The following CCSAP variants were observed in gnomAD, a reference collection of about 807,000 sequenced individuals.
The protein encoded by CCSAP is centriole, cilia and spindle associated protein.
A neutral mutation model predicts 25.9 loss-of-function variants in CCSAP; 17 were observed. That is an observed-to-expected ratio of 0.66 (90% CI 0.45 to 0.99). The LOEUF is 0.99. CCSAP is among the 50% of genes least tolerant of loss of function. The pLI, the probability that CCSAP is intolerant of heterozygous loss-of-function variation, is 0.00. For missense variants in CCSAP, 339 were observed against 367.8 expected, an observed-to-expected ratio of 0.92 and a Z score of 0.64; for synonymous variants, 169 against 157.1, an observed-to-expected ratio of 1.08 and a Z score of -0.57.
Position 229,325,554 on chromosome 1 carries a change from A to G in CCSAP, c.637-143T>C, listed in dbSNP as rs143532249. ...CTGCCTCTCTATATAGTTCTTCTTT[A>G]CATAAAACCTTCCACAGAAGAGCCA... On this transcript the variant is annotated intron_variant, in intron 3 of 3. Coordinates refer to ENST00000284617, the MANE Select transcript of CCSAP (RefSeq NM_145257.5). 281 of 630,934 alleles carry G rather than the reference A, an allele frequency of 4.5e-4. 2 individuals are homozygous for G. The East Asian group carries it at 7.1e-3, about 16-fold the overall frequency. 39.1% of individuals were successfully genotyped at this position (630,934 alleles called of 1,614,324 possible). A position where few individuals can be genotyped will look rare whatever the true frequency, so the allele number is the denominator to read the frequency against.
chr1:229,326,661 C>G, intron 3 of CCSAP, 77 bp downstream of exon 3: 1 of 1,556,546 alleles, frequency 6.4e-7, no homozygotes, highest in Non-Finnish European at 8.7e-7. Context: ...CCAAAGGACA[C>G]GATGCCCGAT....
rs1658371233 is a variant in CCSAP at position 229,342,680 on chromosome 1, G to A, written c.-48-167C>T. 6.6e-6 allele frequency among the ~76,000 whole-genome samples: 1 copy of A among 152,160 alleles called. No individual in the cohort carries two copies. The highest frequency in any genetic ancestry group is 2.4e-5 in the African/African-American group (1 of 41,546). ...GGCCTCACCCGGCGGCCGGGACCAA[G>A]AGCAGAGGCGGGGACCGGGGCTGCT... On this transcript the variant is annotated intron_variant, in intron 1 of 3. Transcript: ENST00000284617. The surrounding 1 kb of genome is among the most constrained non-coding windows in gnomAD (Gnocchi z 7.5).
In CCSAP at chr1:229,326,907, C is replaced by G; in HGVS notation, c.467G>C (p.Ser156Thr). Residue 156 changes from serine to threonine, a missense_variant, in exon 3 of 4, where the codon AGT becomes ACT. Physicochemically the swap from Ser to Thr is moderately conservative, Grantham distance 58. Transcript: ENST00000284617. ...PTSTEPRQQP[S>T]ALFARGNRKA... The stretch of plus-strand genomic sequence containing the variant: ...CCTGTTTCCTCTAGCAAATAAGGCA[C>G]TTGGTTGCTGTCGAGGCTCAGTACT... 1.9e-6 allele frequency: 3 copies of G among 1,614,214 alleles called. No homozygotes were observed. Among genetic ancestry groups the G allele is most frequent in the Non-Finnish European group, 2.5e-6 (3 of 1,180,048 alleles).
Position 229,325,355 on chromosome 1 carries a change from C to G in CCSAP, c.693G>C (p.Leu231=). 6.2e-7 allele frequency: 1 copy of G among 1,614,160 alleles called. No homozygotes were observed. The highest frequency in any genetic ancestry group is 1.1e-5 in the South Asian group (1 of 91,082). ...AGTGAGCTCGCTGCCTTTGAGCAAC[C>G]AGTTTCCTTTTTTCCACCTGTCTTC... The part of the protein sequence containing the change: ...KNRRQVEKRK[L]VAQRQRAHSV... The change falls in exon 4 of 4, where the codon CTG becomes CTC. Residue 231 remains leucine (L), a synonymous_variant. Transcript: ENST00000284617.
At position 229,321,457 on chromosome 1, in the gene CCSAP, T is replaced by C. The variant is rs993675403; in HGVS notation, c.*3778A>G. ...GAATAACTCCATATCCACCCTATAG[T>C]ACAAAAATTCATTTCAAATGCAAAC... On this transcript the variant is annotated 3_prime_UTR_variant, in exon 4 of 4. Transcript: ENST00000284617. The C allele has an allele frequency of 6.6e-6, 1 of 152,314 alleles. No homozygotes were observed. Among genetic ancestry groups the C allele is most frequent in the East Asian group, 1.9e-4 (1 of 5,194 alleles). The allele number at this position is 152,314 out of a possible 1,614,324, so 9.4% of individuals were successfully genotyped here.
At chr1:229,337,429 A>G (rs1658217234) in intron 2 of CCSAP, among the ~76,000 whole-genome samples, 1 of 151,726 alleles carries the variant, frequency 6.6e-6, no homozygotes, top group Admixed American at 6.6e-5. Context: ...TCAATCCTGG[A>G]TATAATAAAG....
chr1:229,342,252 G>A lies in CCSAP; in HGVS notation c.214C>T (p.Pro72Ser). 7.8e-7 allele frequency: 1 copy of A among 1,279,996 alleles called. No homozygotes were observed. Among genetic ancestry groups the A allele is most frequent in the South Asian group, 2.6e-5 (1 of 38,106 alleles). The allele number at this position is 1,279,996 out of a possible 1,614,324, so 79.3% of individuals were successfully genotyped here. Residue 72 changes from proline (P) to serine (S), a missense_variant, in exon 2 of 4, where the codon CCC becomes TCC. Transcript: ENST00000284617. This position sits in a 1 kb window ranked among gnomAD's most constrained non-coding sequence, Gnocchi z 7.5. ...GAGGGCGGGGCGCACCGGGGTGCGG[G>A]GCCCCCGGCGCCCGACGACTCTGAC... ...ASSESSGAGG[P>S]APRCAPPSPP...
In CCSAP at chr1:229,328,298, AT is replaced by A. The variant is rs954694863; in HGVS notation, c.368-1293del. Among the ~76,000 whole-genome samples, 143 of 151,628 alleles carry A rather than the reference AT, an allele frequency of 9.4e-4. 2 individuals are homozygous for A. Among genetic ancestry groups the A allele is most frequent in the Middle Eastern group, 3.4e-3 (1 of 294 alleles). On this transcript the variant is annotated intron_variant, in intron 2 of 3. Coordinates refer to ENST00000284617, the MANE Select transcript of CCSAP (RefSeq NM_145257.5). ...GAGTTTTGCTCTCAGTCATGATTTTATTTTTTTTGTTTCATTTTTTAGAGAC... is the reference window on the plus strand; with the variant it reads ...GAGTTTTGCTCTCAGTCATGATTTTATTTTTTTGTTTCATTTTTTAGAGAC...
chr1:229,336,139 C>T (rs900887328), intron 2 of CCSAP, among the ~76,000 whole-genome samples: 3 of 147,156 alleles, frequency 2.0e-5, no homozygotes, highest in Admixed American at 6.9e-5. Context: ...GGGGGTATCT[C>T]GGATGCAATC....
At position 229,342,484 on chromosome 1, in the gene CCSAP, G is replaced by C. The variant is rs755505435; in HGVS notation, c.-19C>G. 8 of 1,317,786 alleles carry C rather than the reference G, an allele frequency of 6.1e-6. No individual in the cohort carries two copies. The South Asian group carries it at 9.8e-5, about 16-fold the overall frequency. 81.6% of individuals were successfully genotyped at this position (1,317,786 alleles called of 1,614,324 possible). ...GGGACATGGTGCCGTCCGCCGCCTC[G>C]AGCGCCAGCCGCTCCTCGCTGCCCG... is the stretch of plus-strand genomic sequence containing the variant. On this transcript the variant is annotated 5_prime_UTR_variant, in exon 2 of 4. Coordinates refer to ENST00000284617, the MANE Select transcript of CCSAP (RefSeq NM_145257.5). This position sits in a 1 kb window ranked among gnomAD's most constrained non-coding sequence, Gnocchi z 7.5.
At chr1:229,335,778 G>A (rs1266100242) in intron 2 of CCSAP, among the ~76,000 whole-genome samples, 1 of 152,122 alleles carries the variant, frequency 6.6e-6, no homozygotes, top group African/African-American at 2.4e-5. Context: ...AGTACAGGCT[G>A]CAGACAAGGT....
chr1:229,331,811 ATT>A (rs1658076373), intron 2 of CCSAP, among the ~76,000 whole-genome samples: 2 of 147,384 alleles, frequency 1.4e-5, no homozygotes, highest in Admixed American at 1.4e-4. Flanking sequence ...TATTATTATT[ATT>A]ATTATTATTA....
rs1051004801 is a variant in CCSAP, at chr1:229,322,739, A to G, written c.*2496T>C. 1 of 152,258 alleles carries G rather than the reference A, an allele frequency of 6.6e-6. No individual in the cohort carries two copies. The highest frequency in any genetic ancestry group is 1.5e-5 in the Non-Finnish European group (1 of 68,044). The allele number at this position is 152,258 out of a possible 1,614,324, so 9.4% of individuals were successfully genotyped here. Reference sequence around the variant, plus strand: ...CTTAATGTCCAGCAGAGTGCTAGACAATATTGCTTCAATATTCTATTACTT... The same window carrying G: ...CTTAATGTCCAGCAGAGTGCTAGACGATATTGCTTCAATATTCTATTACTT... On this transcript the variant is annotated 3_prime_UTR_variant, in exon 4 of 4. Coordinates refer to ENST00000284617, the MANE Select transcript of CCSAP (RefSeq NM_145257.5).
intron 2 of CCSAP, among the ~76,000 whole-genome samples, chr1:229,334,043 T>G (rs1658141036): frequency 6.6e-6 from 1 of 152,206 alleles, no homozygotes; most frequent in Non-Finnish European, 1.5e-5. Flanking sequence ...GTTTCCTCAT[T>G]GAGCATAACG....
chr1:229,333,199 A>G (rs369499322), intron 2 of CCSAP, among the ~76,000 whole-genome samples: 110 of 151,418 alleles, frequency 7.3e-4, no homozygotes, highest in East Asian at 1.8e-3. Context: ...TTGGGAGGCC[A>G]AGGCGGGCAG....
chr1:229,330,614 G>A (rs1005305305), intron 2 of CCSAP, among the ~76,000 whole-genome samples: 2 of 152,038 alleles, frequency 1.3e-5, no homozygotes, highest in African/African-American at 4.8e-5. Flanking sequence ...AGGCCGAGGC[G>A]GGCGGATCAC....
chr1:229,324,996 T>G lies in CCSAP; in HGVS notation c.*239A>C. The G allele has an allele frequency of 2.5e-6, 1 of 399,132 alleles. No individual in the cohort carries two copies. 24.7% of individuals were successfully genotyped at this position (399,132 alleles called of 1,614,324 possible). A position where few individuals can be genotyped will look rare whatever the true frequency, so the allele number is the denominator to read the frequency against. On this transcript the variant is annotated 3_prime_UTR_variant, in exon 4 of 4. Transcript: ENST00000284617. ...AAAAACCTTATAAGAATATCAAAGA[T>G]TTAGGGAATTATCTTCATAAATAAC...
intron 2 of CCSAP, among the ~76,000 whole-genome samples, chr1:229,336,534 C>T (rs552503508): frequency 1.1e-4 from 16 of 152,184 alleles, no homozygotes; most frequent in Admixed American, 2.0e-4. Flanking sequence ...ACTCAAGAGA[C>T]GCTGGCAGGT....
chr1:229,342,248 G>T lies in CCSAP; in HGVS notation c.218C>A (p.Ala73Glu). 1 of 1,273,204 alleles carries T rather than the reference G, an allele frequency of 7.9e-7. No homozygotes were observed. The highest frequency in any genetic ancestry group is 9.9e-7 in the Non-Finnish European group (1 of 1,012,860). The allele number at this position is 1,273,204 out of a possible 1,614,324, so 78.9% of individuals were successfully genotyped here. Reference protein sequence around the residue: ...SSESSGAGGPAPRCAPPSPPP... With the variant: ...SSESSGAGGPEPRCAPPSPPP... ...GGGCGAGGGCGGGGCGCACCGGGGT[G>T]CGGGGCCCCCGGCGCCCGACGACTC... Residue 73 changes from alanine (A) to glutamate (E), a missense_variant, in exon 2 of 4, where the codon GCA becomes GAA. Coordinates refer to ENST00000284617, the MANE Select transcript of CCSAP (RefSeq NM_145257.5). The surrounding 1 kb of genome is among the most constrained non-coding windows in gnomAD (Gnocchi z 7.5).
Sources: gnomAD v4.1 joint callset for allele counts (sites outside exome capture counted in the v4.1 genomes callset) on GRCh38, gnomAD v4.1.1 for gene constraint, Gnocchi (gnomAD v3.1) non-coding constraint, MANE v1.5 for transcripts, NCBI Gene and HGNC (gene_info 2026-07-23, HGNC 2026-07-21) for gene names.